DYTN: variants seen among roughly 807,000 people sequenced by gnomAD.
DYTN encodes the protein dystrotelin.
In DYTN, 75 loss-of-function variants were observed where a neutral mutation model predicts 69.6. The observed-to-expected ratio is 1.08, with a 90% confidence interval of 0.89 to 1.31. The LOEUF (loss-of-function observed/expected upper bound fraction) is 1.31. Among genes scored for constraint, DYTN ranks in the 50% most tolerant of loss-of-function variants. The pLI is 0.00. For synonymous variants in DYTN, 252 were observed against 249.1 expected, an observed-to-expected ratio of 1.01 and a Z score of -0.11; for missense variants, 726 against 688.4, an observed-to-expected ratio of 1.05 and a Z score of -0.61.
chr2:206,707,554 G>A (rs895796371), intron 2 of DYTN, 51 bp from the exon 3 acceptor site: 1 of 1,531,276 alleles, frequency 6.5e-7, no homozygotes, highest in South Asian at 1.2e-5. Flanking sequence ...GGGAACAAAA[G>A]GCTTCAAATA....
intron 7 of DYTN, among the ~76,000 whole-genome samples, chr2:206,697,348 C>A (rs1699930397): frequency 6.6e-6 from 1 of 152,232 alleles, no homozygotes; most frequent in East Asian, 1.9e-4. Flanking sequence ...GCTGACATGT[C>A]CTTCTAGAAT....
Position 206,714,482 on chromosome 2 carries a change from G to A in DYTN, c.19+3779C>T, listed in dbSNP as rs571420236. 5.3e-4 allele frequency among the ~76,000 whole-genome samples: 80 copies of A among 152,338 alleles called. 3 individuals are homozygous for A. Among genetic ancestry groups the A allele is most frequent in the African/African-American group, 1.8e-3 (73 of 41,580 alleles). On this transcript the variant is annotated intron_variant, in intron 1 of 11. Coordinates refer to ENST00000452335, the MANE Select transcript of DYTN (RefSeq NM_001093730.1). The stretch of plus-strand genomic sequence containing the variant: ...CTCCCAAAGTGCTGGGATTACAGGC[G>A]TGAGCCACTGCGTAAAGACGGCTCT...
chr2:206,709,693 T>C (rs981403007), intron 2 of DYTN, among the ~76,000 whole-genome samples: 3 of 152,200 alleles, frequency 2.0e-5, no homozygotes, highest in African/African-American at 4.8e-5. Context: ...TATTTTTAAA[T>C]GTCAGCCTTC....
chr2:206,694,920 GA>G (rs770784993), intron 7 of DYTN, 43 bp from the exon 8 acceptor site: 529 of 788,918 alleles, frequency 6.7e-4, no homozygotes, highest in African/African-American at 8.8e-4. Context: ...ACTAGTAGAT[GA>G]GAAAAAAAAA....
intron 5 of DYTN, among the ~76,000 whole-genome samples, chr2:206,701,386 C>T (rs558540406): frequency 2.6e-5 from 4 of 152,246 alleles, no homozygotes; most frequent in Admixed American, 1.3e-4. Context: ...GTTTCTGGAA[C>T]GATCTAAGTG....
chr2:206,695,361 T>C (rs768866980), intron 7 of DYTN, among the ~76,000 whole-genome samples: 11 of 152,200 alleles, frequency 7.2e-5, no homozygotes, highest in Non-Finnish European at 4.4e-5. Context: ...CTGAGTGGTG[T>C]TGGGGAAAAT....
intron 9 of DYTN, among the ~76,000 whole-genome samples, chr2:206,692,396 G>T (rs1365834956): frequency 2.0e-5 from 3 of 152,126 alleles, no homozygotes; most frequent in African/African-American, 7.2e-5. Context: ...TCAGGTATGT[G>T]ATGCATATAC....
intron 9 of DYTN, among the ~76,000 whole-genome samples, chr2:206,689,692 G>T (rs1699845114): frequency 1.3e-5 from 2 of 152,148 alleles, no homozygotes; most frequent in South Asian, 4.1e-4. Context: ...CTTCCTCATG[G>T]CCACACACGT....
At chr2:206,668,135 A>AG (rs1373678188) in intron 9 of DYTN, among the ~76,000 whole-genome samples, 1 of 152,228 alleles carries the variant, frequency 6.6e-6, no homozygotes, top group Non-Finnish European at 1.5e-5. Flanking sequence ...CAACAAAAAA[A>AG]CATTCTCAGA....
chr2:206,656,376 C>T (rs971429407), intron 11 of DYTN, among the ~76,000 whole-genome samples: 2 of 152,096 alleles, frequency 1.3e-5, no homozygotes, highest in Non-Finnish European at 2.9e-5. Flanking sequence ...GTCCTTAAAT[C>T]TGAAGTGAGT....
intron 5 of DYTN, among the ~76,000 whole-genome samples, chr2:206,703,594 A>C (rs1015108315): frequency 6.6e-6 from 1 of 152,230 alleles, no homozygotes; most frequent in African/African-American, 2.4e-5. Context: ...TATTGTCATC[A>C]TCATGAACAC....
At chr2:206,659,063 T>C (rs772473357) in intron 11 of DYTN, among the ~76,000 whole-genome samples, 3 of 151,548 alleles carry the variant, frequency 2.0e-5, no homozygotes, top group Admixed American at 6.6e-5. Context: ...GCAATTTTTA[T>C]GCAAATTATT....
intron 9 of DYTN, among the ~76,000 whole-genome samples, chr2:206,677,989 CA>C (rs66801707): frequency 0.023 from 3,146 of 135,264 alleles, 42 homozygotes; most frequent in Middle Eastern, 0.069. Flanking sequence ...GACTCCATCT[CA>C]AAAAAAAAAA....
At chr2:206,661,349 T>C (rs765834753) in intron 11 of DYTN, among the ~76,000 whole-genome samples, 5 of 152,220 alleles carry the variant, frequency 3.3e-5, no homozygotes, top group Non-Finnish European at 7.3e-5. Flanking sequence ...CACATGAGTA[T>C]TTTATCCTTC....
chr2:206,694,752 A>C lies in DYTN; in HGVS notation c.831+14T>G. 1 of 1,581,408 alleles carries C rather than the reference A, an allele frequency of 6.3e-7. No homozygotes were observed. The highest frequency in any genetic ancestry group is 8.6e-7 in the Non-Finnish European group (1 of 1,165,810). On this transcript the variant is annotated intron_variant, in intron 8 of 11. Coordinates refer to ENST00000452335, the MANE Select transcript of DYTN (RefSeq NM_001093730.1). The stretch of plus-strand genomic sequence containing the variant: ...TGATTAATGAATAGTTTGGTATGTG[A>C]CATTAAATGTTACCTGAATGCAGTG...
intron 9 of DYTN, among the ~76,000 whole-genome samples, chr2:206,680,973 T>C (rs1381841802): frequency 6.6e-6 from 1 of 152,224 alleles, no homozygotes; most frequent in East Asian, 1.9e-4. Flanking sequence ...TTGGACAGTA[T>C]GGCTATTTTC....
intron 9 of DYTN, among the ~76,000 whole-genome samples, chr2:206,671,515 TAC>T (rs1264521092): frequency 6.6e-6 from 1 of 152,204 alleles, no homozygotes; most frequent in Admixed American, 6.5e-5. Context: ...TTAAAATAAT[TAC>T]AACTCAAATA....
intron 9 of DYTN, among the ~76,000 whole-genome samples, chr2:206,692,025 A>C (rs1197505285): frequency 1.3e-5 from 2 of 152,192 alleles, no homozygotes; most frequent in African/African-American, 2.4e-5. Context: ...CTGTAATCTC[A>C]ACACTTTGGG....
chr2:206,712,159 A>C (rs1287878254), intron 1 of DYTN, among the ~76,000 whole-genome samples: 1 of 152,200 alleles, frequency 6.6e-6, no homozygotes, highest in Non-Finnish European at 1.5e-5. Flanking sequence ...TCGCCTGGGA[A>C]CTTGGGAGAA....
Sources: gnomAD v4.1 joint callset for allele counts (sites outside exome capture counted in the v4.1 genomes callset) on GRCh38, gnomAD v4.1.1 for gene constraint, MANE v1.5 for transcripts, NCBI Gene and HGNC (gene_info 2026-07-23, HGNC 2026-07-21) for gene names.